Variants in ANKIB1 observed in about 807,000 individuals in gnomAD.
ANKIB1 encodes the protein ankyrin repeat and IBR domain containing 1, also known as ankyrin repeat and IBR domain-containing protein 1.
ANKIB1 carries 43 observed loss-of-function variants against 122.1 expected under a neutral mutation model. The ratio of observed to expected loss-of-function variants is 0.35; its 90% confidence interval spans 0.28 to 0.45. The LOEUF (loss-of-function observed/expected upper bound fraction) is 0.45, where lower values mean the gene tolerates loss of function less well. Among genes scored for constraint, ANKIB1 ranks in the 20% least tolerant of loss-of-function variants. The pLI is 1.00. For synonymous variants in ANKIB1, 390 were observed against 442.0 expected (o/e 0.88, Z 1.48); for missense variants, 992 against 1,329.5 (o/e 0.75, Z 3.95).
intron 8 of ANKIB1, among the ~76,000 whole-genome samples, chr7:92,351,660 G>A (rs1461436303): frequency 6.7e-6 from 1 of 150,044 alleles, no homozygotes; most frequent in Non-Finnish European, 1.5e-5. Flanking sequence ...ACTGCTTTGT[G>A]CAGATTTTAC....
chr7:92,328,689 A>C (rs1473823586), intron 5 of ANKIB1, among the ~76,000 whole-genome samples: 1 of 151,984 alleles, frequency 6.6e-6, no homozygotes, highest in East Asian at 1.9e-4. Context: ...TTAAAAAGAA[A>C]AGTAAATGGC....
intron 17 of ANKIB1, chr7:92,396,071 C>A (rs1251588942): frequency 5.8e-6 from 2 of 346,256 alleles, no homozygotes; most frequent in African/African-American, 2.2e-5. Context: ...AATTAGATAA[C>A]AAGATCCTTG....
intron 1 of ANKIB1, among the ~76,000 whole-genome samples, chr7:92,284,091 G>C (rs1330563773): frequency 6.6e-6 from 1 of 152,124 alleles, no homozygotes; most frequent in Non-Finnish European, 1.5e-5. Flanking sequence ...CTTTACTTTA[G>C]ATGAATACAG....
chr7:92,267,787 A>G (rs1801705586), intron 1 of ANKIB1, among the ~76,000 whole-genome samples: 1 of 152,210 alleles, frequency 6.6e-6, no homozygotes, highest in Non-Finnish European at 1.5e-5. Context: ...TTTTAATGAT[A>G]GAAAATAACA....
At chr7:92,304,511 T>A (rs986141266) in intron 2 of ANKIB1, among the ~76,000 whole-genome samples, 2 of 152,096 alleles carry the variant, frequency 1.3e-5, no homozygotes, top group Admixed American at 6.6e-5. Flanking sequence ...TTAAATTTCT[T>A]TGTGATAAGA....
chr7:92,280,547 G>A (rs1336701490), intron 1 of ANKIB1, among the ~76,000 whole-genome samples: 1 of 150,946 alleles, frequency 6.6e-6, no homozygotes, highest in Non-Finnish European at 1.5e-5. Context: ...AGAAAACAGT[G>A]TAAGCTTTTA....
intron 14 of ANKIB1, 54 bp from the exon 15 acceptor site, chr7:92,389,917 T>C (rs1585140356): frequency 1.3e-6 from 2 of 1,534,490 alleles, no homozygotes; most frequent in Non-Finnish European, 1.8e-6. Flanking sequence ...TTAATTAATA[T>C]TATAAATGGC....
At chr7:92,340,813 G>A (rs1449622440) in intron 5 of ANKIB1, among the ~76,000 whole-genome samples, 5 of 152,200 alleles carry the variant, frequency 3.3e-5, no homozygotes, top group Admixed American at 2.0e-4. Flanking sequence ...ATGGTGAAAA[G>A]ATATGGATAG....
At chr7:92,354,304 C>A (rs1803736514) in intron 9 of ANKIB1, among the ~76,000 whole-genome samples, 1 of 152,086 alleles carries the variant, frequency 6.6e-6, no homozygotes. Context: ...AAATATCAGG[C>A]TGGTTATACT....
chr7:92,374,142 G>C (rs1682952054), intron 11 of ANKIB1, among the ~76,000 whole-genome samples: 2 of 152,028 alleles, frequency 1.3e-5, no homozygotes, highest in African/African-American at 2.4e-5. Context: ...CCAAAAAATA[G>C]AAAATAGTAC....
chr7:92,327,800 G>T lies in ANKIB1; in HGVS notation c.687G>T (p.Arg229Ser). The T allele has an allele frequency of 6.3e-7, 1 of 1,575,832 alleles. No homozygotes were observed. The highest frequency in any genetic ancestry group is 8.6e-7 in the Non-Finnish European group (1 of 1,168,726). The change falls in exon 5 of 20, where the codon AGG becomes AGT. Residue 229 changes from arginine (R) to serine (S), a missense_variant. Coordinates refer to ENST00000265742, the MANE Select transcript of ANKIB1 (RefSeq NM_019004.2). ...LDKREPYEGL[R>S]PQDLRRLKDM... is the part of the protein sequence containing the mutation. ...TTTCAAAGCCATATGAAGGATTAAG[G>T]CCTCAGGATCTTCGTAGACTAAAAG... is the stretch of plus-strand genomic sequence containing the variant.
intron 2 of ANKIB1, among the ~76,000 whole-genome samples, chr7:92,305,172 T>G (rs1802533492): frequency 6.6e-6 from 1 of 152,200 alleles, no homozygotes; most frequent in Admixed American, 6.5e-5. Flanking sequence ...AGATAAACTC[T>G]CAGGAGTAGT....
At chr7:92,356,064 T>C (rs575236601) in intron 9 of ANKIB1, among the ~76,000 whole-genome samples, 2 of 152,238 alleles carry the variant, frequency 1.3e-5, no homozygotes, top group South Asian at 4.1e-4. Flanking sequence ...CAGAGTACAA[T>C]GTACAGACTT....
chr7:92,293,934 G>C (rs186400528), intron 1 of ANKIB1, among the ~76,000 whole-genome samples: 1 of 152,328 alleles, frequency 6.6e-6, no homozygotes, highest in East Asian at 1.9e-4. Flanking sequence ...ACTAAGGACT[G>C]CAGTAGGTAC....
intron 11 of ANKIB1, among the ~76,000 whole-genome samples, chr7:92,385,648 A>G (rs1203641452): frequency 6.6e-6 from 1 of 152,140 alleles, no homozygotes; most frequent in Non-Finnish European, 1.5e-5. Flanking sequence ...AACGAACACC[A>G]CATGTTTTCA....
chr7:92,388,163 T>G lies in ANKIB1; in HGVS notation c.1906+122T>G, dbSNP rs1006804599. 11 of 949,562 alleles carry G rather than the reference T, an allele frequency of 1.2e-5. No homozygotes were observed. The African/African-American group carries it at 1.2e-4, about 10-fold the overall frequency. 58.8% of individuals were successfully genotyped at this position (949,562 alleles called of 1,614,324 possible). On this transcript the variant is annotated intron_variant, in intron 14 of 19. Transcript: ENST00000265742. ...TTCATTAGCTTGTTCTGGTACTGTT[T>G]TGAGTTCTTTGAAGCCCTGAGTGCA...
chr7:92,342,385 TC>T (rs1562787452), intron 5 of ANKIB1, among the ~76,000 whole-genome samples: 1 of 152,224 alleles, frequency 6.6e-6, no homozygotes, highest in African/African-American at 2.4e-5. Flanking sequence ...TTTTTATGGC[TC>T]TAGACATTAT....
At chr7:92,343,649 T>G (rs998862516) in intron 6 of ANKIB1, among the ~76,000 whole-genome samples, 1 of 152,204 alleles carries the variant, frequency 6.6e-6, no homozygotes, top group Non-Finnish European at 1.5e-5. Flanking sequence ...CTGGGCAACA[T>G]AGCCAGACCC....
At chr7:92,281,982 AAC>A (rs1802019722) in intron 1 of ANKIB1, among the ~76,000 whole-genome samples, 1 of 152,210 alleles carries the variant, frequency 6.6e-6, no homozygotes. Flanking sequence ...TCAAGCATTT[AAC>A]ACTGCTTAAA....
Sources: gnomAD v4.1 joint callset for allele counts (sites outside exome capture counted in the v4.1 genomes callset) on GRCh38, gnomAD v4.1.1 for gene constraint, MANE v1.5 for transcripts, NCBI Gene and HGNC (gene_info 2026-07-23, HGNC 2026-07-21) for gene names.